The following MYEF2 variants were observed in gnomAD, a reference collection of about 807,000 sequenced individuals.
MYEF2 encodes myelin gene expression factor 2.
In MYEF2, 37 loss-of-function variants were observed where a neutral mutation model predicts 75.2. The ratio of observed to expected loss-of-function variants is 0.49; its 90% CI spans 0.38 to 0.65. The LOEUF (loss-of-function observed/expected upper bound fraction) is 0.65, where lower values mean the gene tolerates loss of function less well. MYEF2 is among the 30% of genes least tolerant of loss of function. The pLI, the probability that MYEF2 is intolerant of heterozygous loss-of-function variation, is 0.00. For missense variants in MYEF2, 634 were observed against 771.4 expected (o/e 0.82, Z 2.11); for synonymous variants, 195 against 241.6 (o/e 0.81, Z 1.79).
At chr15:48,147,440 AT>A (rs201749298) in intron 16 of MYEF2, among the ~76,000 whole-genome samples, 55 of 149,252 alleles carry the variant, frequency 3.7e-4, no homozygotes, top group African/African-American at 8.1e-4. Flanking sequence ...TCATTTGGAG[AT>A]TTTTTTTTTC....
chr15:48,154,849 A>T (rs1316146591), intron 9 of MYEF2, among the ~76,000 whole-genome samples: 1 of 152,128 alleles, frequency 6.6e-6, no homozygotes, highest in Non-Finnish European at 1.5e-5. Context: ...CAGAAAAAAA[A>T]ATAGTACAGA....
At chr15:48,145,106 A>C (rs2039231169) in intron 16 of MYEF2, among the ~76,000 whole-genome samples, 1 of 151,658 alleles carries the variant, frequency 6.6e-6, no homozygotes, top group Admixed American at 6.6e-5. Context: ...GACCTCAAAA[A>C]TTTTCTAGTT....
Position 48,151,542 on chromosome 15 carries a change from T to C in MYEF2, c.1237A>G (p.Met413Val). Residue 413 changes from methionine (M) to valine (V), a missense_variant, in exon 13 of 17, where the codon ATG (methionine) becomes GTG (valine). Met to Val is a conservative substitution (Grantham distance 21). Transcript: ENST00000324324. ...ELYRGAMTSS[M>V]ERDFGRGDIG... ...TCACCACGTCCAAAATCTCGCTCCA[T>C]GCTACTAGTCATCGCACCACGGTAC... 2.5e-6 allele frequency: 4 copies of C among 1,612,798 alleles called. No homozygotes were observed. The highest frequency in any genetic ancestry group is 1.7e-4 in the Middle Eastern group (1 of 6,052).
intron 6 of MYEF2, 131 bp from the exon 7 acceptor site, chr15:48,159,053 T>C: frequency 2.6e-6 from 2 of 760,396 alleles, no homozygotes; most frequent in Non-Finnish European, 4.1e-6. Context: ...ATTGATAATG[T>C]TCAAATTTTA....
chr15:48,151,600 T>C, intron 12 of MYEF2, 29 bp from the exon 13 acceptor site: 1 of 1,557,744 alleles, frequency 6.4e-7, no homozygotes, highest in Non-Finnish European at 8.8e-7. Flanking sequence ...AAATTAACCT[T>C]TTCAAATATA....
chr15:48,149,397 G>T lies in MYEF2; in HGVS notation c.1379-26C>A, dbSNP rs775289464. ...CTGGATTTTCAAGAAAGGACGGGGGGATTTGGGAATTTTGTGTTTTTGTTT... is the reference window on the plus strand; with the variant it reads ...CTGGATTTTCAAGAAAGGACGGGGGTATTTGGGAATTTTGTGTTTTTGTTT... On this transcript the variant is annotated intron_variant, in intron 14 of 16. Coordinates refer to ENST00000324324, the MANE Select transcript of MYEF2 (RefSeq NM_016132.5). The surrounding 1 kb of genome is among the most constrained non-coding windows in gnomAD (Gnocchi z 4.0). 42 of 1,603,924 alleles carry T rather than the reference G, an allele frequency of 2.6e-5. No individual in the cohort carries two copies. The highest frequency in any genetic ancestry group is 4.0e-5 in the African/African-American group (3 of 74,642).
chr15:48,152,284 C>A lies in MYEF2; in HGVS notation c.1088G>T (p.Gly363Val), dbSNP rs749018666. 1 of 1,607,976 alleles carries A rather than the reference C, an allele frequency of 6.2e-7. No individual in the cohort carries two copies. Among genetic ancestry groups the A allele is most frequent in the Admixed American group, 1.7e-5 (1 of 59,568 alleles). The change falls in exon 11 of 17, where the codon GGT (glycine) becomes GTT (valine). Residue 363 changes from glycine to valine, a missense_variant and splice_region_variant. Transcript: ENST00000324324. ...AAAACCTGGACCATCCATTCCCATACCTCAAATAAAATACACAGTATGTAC... is the reference window on the plus strand; with the variant it reads ...AAAACCTGGACCATCCATTCCCATAACTCAAATAAAATACACAGTATGTAC... ...GGVMGNLGPG[G>V]MGMDGPGFGG...
rs150737157 is a variant in MYEF2 at position 48,153,537 on chromosome 15, A to T, written c.1087+255T>A. 2.1e-4 allele frequency: 76 copies of T among 370,696 alleles called. No homozygotes were observed. The East Asian group carries it at 3.4e-3, about 17-fold the overall frequency. The allele number at this position is 370,696 out of a possible 1,614,324, so 23.0% of individuals were successfully genotyped here. A position where few individuals can be genotyped will look rare whatever the true frequency, so the allele number is the denominator to read the frequency against. On this transcript the variant is annotated intron_variant, in intron 10 of 16. Coordinates refer to ENST00000324324, the MANE Select transcript of MYEF2 (RefSeq NM_016132.5). ...ATGATATATTCTCCTTCTGCCTTCAAGACATTTCAAAATCCAAAATGCTAA... is the reference window on the plus strand; with the variant it reads ...ATGATATATTCTCCTTCTGCCTTCATGACATTTCAAAATCCAAAATGCTAA...
At chr15:48,158,566 C>A (rs1197154598) in intron 7 of MYEF2, among the ~76,000 whole-genome samples, 1 of 152,080 alleles carries the variant, frequency 6.6e-6, no homozygotes, top group Non-Finnish European at 1.5e-5. Flanking sequence ...AAACTTCATA[C>A]CAGCCCTGTA....
At chr15:48,150,839 T>C (rs1186653287) in intron 14 of MYEF2, among the ~76,000 whole-genome samples, 65 of 152,046 alleles carry the variant, frequency 4.3e-4, no homozygotes, top group Non-Finnish European at 1.2e-4. Context: ...CCAGATTCCT[T>C]AGTTGGAAAG....
At chr15:48,174,256 A>C (rs547578439) in intron 1 of MYEF2, among the ~76,000 whole-genome samples, 172 of 152,270 alleles carry the variant, frequency 1.1e-3, no homozygotes, top group African/African-American at 4.0e-3. Context: ...TCTCTTCAAA[A>C]AATGGTATTG....
rs1423506158 is a variant in MYEF2, at chr15:48,178,171, C to T, written c.67G>A (p.Ala23Thr). The change falls in exon 1 of 17, where the codon GCA becomes ACA. Residue 23 changes from alanine (A) to threonine (T), a missense_variant. Ala to Thr is a moderately conservative substitution (Grantham distance 58). Transcript: ENST00000324324. ...CGCCGCGGCTCGCCCGGCGGCTCTG[C>T]GGGCTGCAGGTGCGGGCTGTCGCCA... ...TGGDSPHLQP[A>T]EPPGEPRREP... The T allele has an allele frequency of 6.5e-6, 10 of 1,549,054 alleles. No individual in the cohort carries two copies. The highest frequency in any genetic ancestry group is 1.4e-5 in the African/African-American group (1 of 71,470).
intron 5 of MYEF2, among the ~76,000 whole-genome samples, chr15:48,162,196 C>G (rs1289107130): frequency 1.3e-5 from 2 of 152,018 alleles, no homozygotes; most frequent in African/African-American, 2.4e-5. Context: ...AAGCTATTAT[C>G]TCACACTCAG....
intron 16 of MYEF2, among the ~76,000 whole-genome samples, chr15:48,148,647 T>C (rs2140826000): frequency 6.6e-6 from 1 of 152,120 alleles, no homozygotes; most frequent in Admixed American, 6.6e-5. Flanking sequence ...CCCTGCACTA[T>C]ACTATAAACA....
rs1386207159 is a variant in MYEF2, at chr15:48,167,191, A to G, written c.423+158T>C. ...ATCCCTTCCAGGCAGCTAGGTTTGT[A>G]TAAGTGTCAGACTTGCTGGTATAGA... On this transcript the variant is annotated intron_variant, in intron 3 of 16. Coordinates refer to ENST00000324324, the MANE Select transcript of MYEF2 (RefSeq NM_016132.5). Among the ~76,000 whole-genome samples, 10 of 152,104 alleles carry G rather than the reference A, an allele frequency of 6.6e-5. No individual in the cohort carries two copies. The South Asian group carries it at 1.2e-3, about 19-fold the overall frequency.
In MYEF2 at chr15:48,143,037, A is replaced by G; in HGVS notation, c.1674T>C (p.Asn558=). Residue 558 remains asparagine (N), a synonymous_variant, in exon 17 of 17, where the codon AAT becomes AAC. Coordinates refer to ENST00000324324, the MANE Select transcript of MYEF2 (RefSeq NM_016132.5). ...HVMFAEIKME[N]GKSKGCGTVR... ...CTGTTCCACAGCCTTTTGACTTTCC[A>G]TTCTCCATTTTTATTTCTGCAAACA... 1.3e-6 allele frequency: 2 copies of G among 1,577,912 alleles called. No individual in the cohort carries two copies. The highest frequency in any genetic ancestry group is 1.7e-6 in the Non-Finnish European group (2 of 1,165,510).
chr15:48,168,324 T>C (rs978616294), intron 2 of MYEF2, among the ~76,000 whole-genome samples: 3 of 152,078 alleles, frequency 2.0e-5, no homozygotes, highest in African/African-American at 7.2e-5. Context: ...GCTTAACTAA[T>C]GCAATAGCCC....
At chr15:48,166,381 A>G (rs770109687) in intron 3 of MYEF2, among the ~76,000 whole-genome samples, 1 of 151,894 alleles carries the variant, frequency 6.6e-6, no homozygotes, top group Non-Finnish European at 1.5e-5. Flanking sequence ...CTTTTAGGTG[A>G]CTTTTCATTA....
In MYEF2 at chr15:48,141,813, G is replaced by T. The variant is rs964780273; in HGVS notation, c.*1095C>A. 6.3e-5 allele frequency: 21 copies of T among 332,662 alleles called. No individual in the cohort carries two copies. The highest frequency in any genetic ancestry group is 4.3e-4 in the African/African-American group (20 of 46,826). The allele number at this position is 332,662 out of a possible 1,614,324, so 20.6% of individuals were successfully genotyped here. A position where few individuals can be genotyped will look rare whatever the true frequency, so the allele number is the denominator to read the frequency against. ...TAAGCTATATACCTTATTGAAAAAT[G>T]GTTTAATAAATATAATTATTAAATA... On this transcript the variant is annotated 3_prime_UTR_variant, in exon 17 of 17. Coordinates refer to ENST00000324324, the MANE Select transcript of MYEF2 (RefSeq NM_016132.5).
Sources: allele counts gnomAD v4.1 joint callset (sites outside exome capture counted in the v4.1 genomes callset), GRCh38; gene constraint gnomAD v4.1.1; non-coding constraint Gnocchi (gnomAD v3.1); transcripts MANE v1.5; gene names NCBI Gene and HGNC (gene_info 2026-07-23, HGNC 2026-07-21).